Variants in SLCO3A1 observed in about 807,000 individuals in gnomAD.
SLCO3A1 encodes PGE1 transporter.
A neutral mutation model predicts 63.1 loss-of-function variants in SLCO3A1; 27 were observed. The ratio of observed to expected loss-of-function variants is 0.43; its 90% CI spans 0.32 to 0.59. The LOEUF (loss-of-function observed/expected upper bound fraction) is 0.59, where lower values mean the gene tolerates loss of function less well. Ranked by LOEUF, SLCO3A1 falls within the 20% of genes least tolerant of loss-of-function variation. SLCO3A1 has a pLI of 0.09. For missense variants in SLCO3A1, 773 were observed against 945.8 expected, an observed-to-expected ratio of 0.82 and a Z score of 2.40; for synonymous variants, 473 against 409.9, an observed-to-expected ratio of 1.15 and a Z score of -1.86.
chr15:92,152,717 T>C (rs2048323270), intron 9 of SLCO3A1, among the ~76,000 whole-genome samples: 1 of 152,204 alleles, frequency 6.6e-6, no homozygotes, highest in Admixed American at 6.5e-5. Flanking sequence ...TTTTTGCAAA[T>C]GGTAAAGCCA....
At position 91,887,871 on chromosome 15, in the gene SLCO3A1, C is replaced by G. The variant is rs150453090; in HGVS notation, c.181-28122C>G. ...CAAATTGAACTTAGTAATACCTACACTACAGTTTGTGCCAGGATTTAATAA... is the reference window on the plus strand; with the variant it reads ...CAAATTGAACTTAGTAATACCTACAGTACAGTTTGTGCCAGGATTTAATAA... On this transcript the variant is annotated intron_variant, in intron 1 of 9. Coordinates refer to ENST00000318445, the MANE Select transcript of SLCO3A1 (RefSeq NM_013272.4). 1.4e-4 allele frequency among the ~76,000 whole-genome samples: 22 copies of G among 152,310 alleles called. 1 individual carries two copies. The highest frequency in any genetic ancestry group is 5.1e-4 in the African/African-American group (21 of 41,568).
At chr15:92,046,248 G>A (rs567796035) in intron 2 of SLCO3A1, among the ~76,000 whole-genome samples, 1 of 151,996 alleles carries the variant, frequency 6.6e-6, no homozygotes, top group East Asian at 1.9e-4. Context: ...GGCGTGGTGG[G>A]TCACACCTGT....
chr15:92,009,920 G>A (rs1036818952), intron 2 of SLCO3A1, among the ~76,000 whole-genome samples: 16 of 152,156 alleles, frequency 1.1e-4, no homozygotes, highest in African/African-American at 3.6e-4. Context: ...CCAAAGCCCC[G>A]TGCTCATGGA....
chr15:92,046,139 T>A (rs973818987), intron 2 of SLCO3A1, among the ~76,000 whole-genome samples: 3 of 152,184 alleles, frequency 2.0e-5, no homozygotes, highest in African/African-American at 7.2e-5. Context: ...TATAAGAAAC[T>A]AAGAGGTTTA....
At chr15:92,008,489 TA>T (rs369062475) in intron 2 of SLCO3A1, among the ~76,000 whole-genome samples, 15 of 152,202 alleles carry the variant, frequency 9.9e-5, no homozygotes, top group African/African-American at 3.4e-4. Flanking sequence ...TTCAATGAGC[TA>T]AAAAAATAAA....
At chr15:92,093,529 A>G (rs943390577) in intron 2 of SLCO3A1, among the ~76,000 whole-genome samples, 4 of 152,148 alleles carry the variant, frequency 2.6e-5, no homozygotes, top group Admixed American at 6.5e-5. Flanking sequence ...CATGCAAACT[A>G]TATTACGCGG....
intron 3 of SLCO3A1, among the ~76,000 whole-genome samples, chr15:92,103,030 T>C (rs1399099977): frequency 6.6e-6 from 1 of 152,230 alleles, no homozygotes; most frequent in African/African-American, 2.4e-5. Context: ...CTCTGCATAA[T>C]GCCTGGTGCA....
chr15:92,021,222 AAT>A (rs1474254410), intron 2 of SLCO3A1, among the ~76,000 whole-genome samples: 1 of 152,206 alleles, frequency 6.6e-6, no homozygotes, highest in Non-Finnish European at 1.5e-5. Context: ...AGGCCTGCTG[AAT>A]CCCTGATGCA....
chr15:92,141,737 C>T (rs1465892111), intron 7 of SLCO3A1, among the ~76,000 whole-genome samples: 1 of 152,230 alleles, frequency 6.6e-6, no homozygotes, highest in African/African-American at 2.4e-5. Context: ...CTTCCTACCA[C>T]ACTCGGACAT....
intron 1 of SLCO3A1, among the ~76,000 whole-genome samples, chr15:91,888,802 G>C (rs983476689): frequency 8.6e-5 from 13 of 152,012 alleles, no homozygotes; most frequent in African/African-American, 3.1e-4. Flanking sequence ...GGGCAACATA[G>C]TGAGACCCCA....
At chr15:91,884,769 GAATT>G (rs1897681306) in intron 1 of SLCO3A1, among the ~76,000 whole-genome samples, 3 of 151,794 alleles carry the variant, frequency 2.0e-5, no homozygotes, top group Admixed American at 2.0e-4. Flanking sequence ...TACATCATTG[GAATT>G]ATTTGTTTGG....
At chr15:92,022,388 G>C (rs570468329) in intron 2 of SLCO3A1, among the ~76,000 whole-genome samples, 84 of 152,176 alleles carry the variant, frequency 5.5e-4, no homozygotes, top group South Asian at 1.5e-3. Context: ...AAGGGTAATA[G>C]TCACCCATAA....
intron 2 of SLCO3A1, among the ~76,000 whole-genome samples, chr15:91,960,478 C>T (rs2151420844): frequency 6.6e-6 from 1 of 152,234 alleles, no homozygotes; most frequent in East Asian, 1.9e-4. Context: ...ACGAGGCAAC[C>T]TCTTATTGGA....
chr15:91,926,145 A>G (rs1899002610), intron 2 of SLCO3A1, among the ~76,000 whole-genome samples: 3 of 152,204 alleles, frequency 2.0e-5, no homozygotes, highest in African/African-American at 4.8e-5. Flanking sequence ...GCATAAAATG[A>G]AAGGGGCTAG....
intron 2 of SLCO3A1, among the ~76,000 whole-genome samples, chr15:91,927,356 G>C (rs1899066033): frequency 6.6e-6 from 1 of 151,760 alleles, no homozygotes; most frequent in South Asian, 2.1e-4. Context: ...ATCATTAATA[G>C]AATCTGAACT....
rs73547392 is a variant in SLCO3A1 at position 91,882,468 on chromosome 15, G to A, written c.180+28380G>A. Reference sequence around the variant, plus strand: ...AGAGGGACATGAAATTTGCTAATACGGTATAGATTTGGGGGCCTCCACCCC... The same window carrying A: ...AGAGGGACATGAAATTTGCTAATACAGTATAGATTTGGGGGCCTCCACCCC... On this transcript the variant is annotated intron_variant, in intron 1 of 9. Transcript: ENST00000318445. The surrounding 1 kb of genome is among the most constrained non-coding windows in gnomAD (Gnocchi z 4.4). Among the ~76,000 whole-genome samples the A allele has an allele frequency of 0.039, 5,995 of 152,092 alleles. 302 individuals are homozygous for A. Among genetic ancestry groups the A allele is most frequent in the African/African-American group, 0.12 (5,034 of 41,474 alleles).
intron 1 of SLCO3A1, among the ~76,000 whole-genome samples, chr15:91,901,470 T>C (rs1034540237): frequency 2.6e-5 from 4 of 152,250 alleles, no homozygotes; most frequent in African/African-American, 9.6e-5. Flanking sequence ...TATATTTGAG[T>C]TACTATATGG....
intron 9 of SLCO3A1, among the ~76,000 whole-genome samples, chr15:92,157,975 A>G (rs576476323): frequency 6.6e-6 from 1 of 152,232 alleles, no homozygotes; most frequent in East Asian, 1.9e-4. Context: ...CTGGTTCACA[A>G]ATTTGCATTT....
At position 91,942,480 on chromosome 15, in the gene SLCO3A1, G is replaced by C. The variant is rs2151401248; in HGVS notation, c.646+26022G>C. ...AGAGACCGTAGTTGGATGTGGCCTG[G>C]AGTTGTGTGTCAGTGGCCATCCCTC... On this transcript the variant is annotated intron_variant, in intron 2 of 9. Coordinates refer to ENST00000318445, the MANE Select transcript of SLCO3A1 (RefSeq NM_013272.4). This position sits in a 1 kb window ranked among gnomAD's most constrained non-coding sequence, Gnocchi z 4.1. Among the ~76,000 whole-genome samples, 1 of 152,344 alleles carries C rather than the reference G, an allele frequency of 6.6e-6. No individual in the cohort carries two copies. The highest frequency in any genetic ancestry group is 1.5e-5 in the Non-Finnish European group (1 of 68,020).
Sources: gnomAD v4.1 joint callset for allele counts (sites outside exome capture counted in the v4.1 genomes callset) on GRCh38, gnomAD v4.1.1 for gene constraint, Gnocchi (gnomAD v3.1) non-coding constraint, MANE v1.5 for transcripts, NCBI Gene and HGNC (gene_info 2026-07-23, HGNC 2026-07-21) for gene names.